Variants in LPCAT3 observed in about 807,000 individuals in gnomAD.
The protein encoded by LPCAT3 is lysophospholipid acyltransferase 5.
A neutral mutation model predicts 63.4 loss-of-function variants in LPCAT3; 21 were observed. That is an observed-to-expected ratio of 0.33 (90% CI 0.23 to 0.48). The LOEUF is 0.48. LPCAT3 is among the 20% of genes least tolerant of loss of function. LPCAT3 has a pLI of 0.99. For synonymous variants in LPCAT3, 242 were observed against 227.5 expected, an observed-to-expected ratio of 1.06 and a Z score of -0.58; for missense variants, 451 against 590.6, an observed-to-expected ratio of 0.76 and a Z score of 2.45.
In LPCAT3 at chr12:6,977,515, A is replaced by G. The variant is rs1555153431; in HGVS notation, c.1199T>C (p.Leu400Pro). ...GCTCAGGGTGGGGCTCTCTTGAATG[A>G]GCCTGGCAGCCTGGGGAGGGAGGAG... ...IVIVERQAARLIQESPTLSKL... is the reference protein window; with the variant it reads ...IVIVERQAARPIQESPTLSKL... Residue 400 changes from leucine to proline, a missense_variant, in exon 11 of 13, where the codon CTC becomes CCC. Leu to Pro is a moderately conservative substitution (Grantham distance 98). Coordinates refer to ENST00000261407, the MANE Select transcript of LPCAT3 (RefSeq NM_005768.6). This position sits in a 1 kb window ranked among gnomAD's most constrained non-coding sequence, Gnocchi z 4.5. The G allele has an allele frequency of 1.2e-6, 2 of 1,614,154 alleles. No homozygotes were observed. The highest frequency in any genetic ancestry group is 1.7e-6 in the Non-Finnish European group (2 of 1,180,022).
At position 7,017,192 on chromosome 12, in the gene LPCAT3, T is replaced by TA. The variant is rs1555157685; in HGVS notation, c.151+1081dup. ...CCAGTCCTGTTTCCTTATCACCACT[T>TA]ACAGCTTTTGCTTAATCCTTCCCAC... On this transcript the variant is annotated intron_variant, in intron 1 of 12. Coordinates refer to ENST00000261407, the MANE Select transcript of LPCAT3 (RefSeq NM_005768.6). The surrounding 1 kb of genome is among the most constrained non-coding windows in gnomAD (Gnocchi z 4.1). 2.0e-5 allele frequency among the ~76,000 whole-genome samples: 3 copies of TA among 152,210 alleles called. No individual in the cohort carries two copies. The highest frequency in any genetic ancestry group is 7.2e-5 in the African/African-American group (3 of 41,448).
intron 1 of LPCAT3, among the ~76,000 whole-genome samples, chr12:7,015,897 A>G (rs1458348858): frequency 2.0e-5 from 3 of 152,224 alleles, no homozygotes; most frequent in South Asian, 2.1e-4. Flanking sequence ...ATAGCCCAGC[A>G]GGAGTGCACA....
chr12:6,977,562 C>T lies in LPCAT3; in HGVS notation c.1188+36G>A, dbSNP rs200123453. On this transcript the variant is annotated intron_variant, in intron 10 of 12. Transcript: ENST00000261407. The surrounding 1 kb of genome is among the most constrained non-coding windows in gnomAD (Gnocchi z 4.5). The stretch of plus-strand genomic sequence containing the variant: ...GGAGGAGCTCATCAGCATCTTGTCC[C>T]TTATATTCCCCTTCACCCCCACCCT... The T allele has an allele frequency of 6.8e-6, 11 of 1,614,022 alleles. No homozygotes were observed. Among genetic ancestry groups the T allele is most frequent in the Non-Finnish European group, 9.3e-6 (11 of 1,180,018 alleles).
chr12:7,003,802 G>T (rs1245195476), intron 1 of LPCAT3, among the ~76,000 whole-genome samples: 1 of 151,626 alleles, frequency 6.6e-6, no homozygotes, highest in Non-Finnish European at 1.5e-5. Context: ...GGCGCCTGTA[G>T]TCCCAGCTAC....
intron 1 of LPCAT3, among the ~76,000 whole-genome samples, chr12:6,996,790 A>G (rs1354498124): frequency 6.6e-6 from 1 of 152,224 alleles, no homozygotes; most frequent in Non-Finnish European, 1.5e-5. Flanking sequence ...TAGAGGTTAA[A>G]GAGAAATCAA....
At chr12:6,984,360 G>T (rs1211711399) in intron 1 of LPCAT3, among the ~76,000 whole-genome samples, 1 of 152,172 alleles carries the variant, frequency 6.6e-6, no homozygotes, top group Admixed American at 6.5e-5. Context: ...AATAAAATTT[G>T]GTATTCCTAA....
At position 6,983,414 on chromosome 12, in the gene LPCAT3, C is replaced by T; in HGVS notation, c.259+18G>A. 1 of 1,526,296 alleles carries T rather than the reference C, an allele frequency of 6.6e-7. No individual in the cohort carries two copies. The highest frequency in any genetic ancestry group is 9.1e-7 in the Non-Finnish European group (1 of 1,103,120). The allele number at this position is 1,526,296 out of a possible 1,614,324, so 94.5% of individuals were successfully genotyped here. A position where few individuals can be genotyped will look rare whatever the true frequency, so the allele number is the denominator to read the frequency against. ...GTTCCCACTAATTGCGGTGTCACTG[C>T]TAATTTAGTTTACTCACCAAAGTTA... On this transcript the variant is annotated intron_variant, in intron 2 of 12. Coordinates refer to ENST00000261407, the MANE Select transcript of LPCAT3 (RefSeq NM_005768.6).
intron 7 of LPCAT3, chr12:6,979,007 A>G (rs782545196): frequency 1.4e-4 from 46 of 323,644 alleles, no homozygotes; most frequent in African/African-American, 9.8e-4. Context: ...CCCATATTGG[A>G]TTTTAATTTA....
intron 1 of LPCAT3, among the ~76,000 whole-genome samples, chr12:7,000,462 C>A (rs1946675442): frequency 6.7e-6 from 1 of 148,970 alleles, no homozygotes; most frequent in Non-Finnish European, 1.5e-5. Flanking sequence ...GTGGCGGATG[C>A]CTGTAGTCCC....
rs931006707 is a variant in LPCAT3 at position 7,017,285 on chromosome 12, T to A, written c.151+989A>T. Among the ~76,000 whole-genome samples, 3 of 152,244 alleles carry A rather than the reference T, an allele frequency of 2.0e-5. No homozygotes were observed. The highest frequency in any genetic ancestry group is 2.9e-5 in the Non-Finnish European group (2 of 68,036). The stretch of plus-strand genomic sequence containing the variant: ...ACTGCTTAAATTTTATGTATATATA[T>A]GTACAGGTACTTCCCAATCTTGGCC... On this transcript the variant is annotated intron_variant, in intron 1 of 12. Transcript: ENST00000261407. The surrounding 1 kb of genome is among the most constrained non-coding windows in gnomAD (Gnocchi z 4.1).
chr12:6,988,050 TA>T (rs111464101), intron 1 of LPCAT3: 19,082 of 304,790 alleles, frequency 0.063, 4 homozygotes, highest in East Asian at 0.088. Flanking sequence ...TTTAAAGGTG[TA>T]AAAAAAAAAA....
intron 1 of LPCAT3, among the ~76,000 whole-genome samples, chr12:7,016,958 A>ATT (rs1247063998): frequency 2.0e-5 from 3 of 152,254 alleles, no homozygotes; most frequent in African/African-American, 7.2e-5. Flanking sequence ...GAAAGTAACA[A>ATT]TGCTATTAGG....
In LPCAT3 at chr12:6,977,305, C is replaced by A. The variant is rs781931181; in HGVS notation, c.1348-43G>T. ...ACTAAGGTAGACAGGCCTGGAGTGT[C>A]CTTTGCAACCTTTGAGGTTGCAGTG... On this transcript the variant is annotated intron_variant, in intron 11 of 12. Transcript: ENST00000261407. This position sits in a 1 kb window ranked among gnomAD's most constrained non-coding sequence, Gnocchi z 4.5. 4 of 1,611,664 alleles carry A rather than the reference C, an allele frequency of 2.5e-6. No homozygotes were observed. Among genetic ancestry groups the A allele is most frequent in the Non-Finnish European group, 3.4e-6 (4 of 1,177,872 alleles).
At position 7,017,647 on chromosome 12, in the gene LPCAT3, G is replaced by T. The variant is rs782264749; in HGVS notation, c.151+627C>A. Among the ~76,000 whole-genome samples the T allele has an allele frequency of 6.6e-6, 1 of 152,156 alleles. No individual in the cohort carries two copies. Among genetic ancestry groups the T allele is most frequent in the Non-Finnish European group, 1.5e-5 (1 of 68,036 alleles). On this transcript the variant is annotated intron_variant, in intron 1 of 12. Coordinates refer to ENST00000261407, the MANE Select transcript of LPCAT3 (RefSeq NM_005768.6). This position sits in a 1 kb window ranked among gnomAD's most constrained non-coding sequence, Gnocchi z 4.1. ...AATAGTATGGATCGATTTTAAGGAG[G>T]TTGTTAGTCCTGTTTCCCAAGTCCA...
At chr12:7,010,644 C>T (rs782679207) in intron 1 of LPCAT3, among the ~76,000 whole-genome samples, 5 of 152,064 alleles carry the variant, frequency 3.3e-5, no homozygotes, top group Non-Finnish European at 7.4e-5. Context: ...CCATGGCTGC[C>T]CAGACATGCT....
intron 1 of LPCAT3, among the ~76,000 whole-genome samples, chr12:7,008,522 G>A (rs1352106982): frequency 6.6e-6 from 1 of 152,156 alleles, no homozygotes; most frequent in Non-Finnish European, 1.5e-5. Flanking sequence ...TCAATCAGGA[G>A]AATGCTATAT....
At chr12:6,984,794 AG>A (rs1946504651) in intron 1 of LPCAT3, among the ~76,000 whole-genome samples, 1 of 152,116 alleles carries the variant, frequency 6.6e-6, no homozygotes, top group Non-Finnish European at 1.5e-5. Context: ...TATGTTGCCC[AG>A]GCTGGCCTTG....
At chr12:7,000,212 G>A (rs1438314033) in intron 1 of LPCAT3, among the ~76,000 whole-genome samples, 1 of 151,344 alleles carries the variant, frequency 6.6e-6, no homozygotes, top group African/African-American at 2.4e-5. Context: ...GAGCCACCGC[G>A]CCTGGCCTAC....
At chr12:7,007,502 T>C (rs1274908195) in intron 1 of LPCAT3, among the ~76,000 whole-genome samples, 1 of 149,890 alleles carries the variant, frequency 6.7e-6, no homozygotes, top group Non-Finnish European at 1.5e-5. Context: ...GCTTTTTTTT[T>C]TTTTTTTTTT....
Sources: allele counts gnomAD v4.1 joint callset (sites outside exome capture counted in the v4.1 genomes callset), GRCh38; gene constraint gnomAD v4.1.1; non-coding constraint Gnocchi (gnomAD v3.1); transcripts MANE v1.5; gene names NCBI Gene and HGNC (gene_info 2026-07-23, HGNC 2026-07-21).